Variants in FBXL17 observed in about 807,000 individuals in gnomAD.
The protein encoded by FBXL17 is F-box/LRR-repeat protein 17.
Under a neutral mutation model 66.2 loss-of-function variants are expected in FBXL17, and 22 were observed. The ratio of observed to expected loss-of-function variants is 0.33; its 90% CI spans 0.24 to 0.47. FBXL17 has a LOEUF of 0.47. FBXL17 is among the 20% of genes least tolerant of loss of function. The pLI is 1.00. For synonymous variants in FBXL17, 474 were observed against 400.5 expected (o/e 1.18, Z -2.19); for missense variants, 878 against 948.2 (o/e 0.93, Z 0.97).
At chr5:108,362,916 GA>G (rs1375426838) in intron 3 of FBXL17, among the ~76,000 whole-genome samples, 1 of 151,912 alleles carries the variant, frequency 6.6e-6, no homozygotes, top group Non-Finnish European at 1.5e-5. Context: ...ACAGAAGAGG[GA>G]AAAAACAGAA....
intron 6 of FBXL17, among the ~76,000 whole-genome samples, chr5:108,177,108 C>A (rs996350873): frequency 6.6e-6 from 1 of 152,132 alleles, no homozygotes; most frequent in African/African-American, 2.4e-5. Flanking sequence ...TACAAGGAAG[C>A]ATTTACAGAT....
In FBXL17 at chr5:108,351,419, G is replaced by T. The variant is rs553964193; in HGVS notation, c.1375-2889C>A. On this transcript the variant is annotated intron_variant, in intron 3 of 8. Transcript: ENST00000542267. ...TCTCATTCTGTAGGAAGCCCAACTA[G>T]TCTGATTCCCGGTCTCTCCACTGAT... Among the ~76,000 whole-genome samples the T allele has an allele frequency of 4.6e-5, 7 of 152,234 alleles. No homozygotes were observed. In the South Asian group the frequency reaches 1.2e-3, roughly 27 times the overall value.
chr5:107,953,860 T>C (rs1293590166), intron 7 of FBXL17, among the ~76,000 whole-genome samples: 1 of 152,214 alleles, frequency 6.6e-6, no homozygotes, highest in Admixed American at 6.5e-5. Flanking sequence ...TGCAAAGTAA[T>C]TAATTCATGT....
At chr5:107,929,470 T>C (rs1389040953) in intron 7 of FBXL17, among the ~76,000 whole-genome samples, 1 of 152,176 alleles carries the variant, frequency 6.6e-6, no homozygotes, top group Non-Finnish European at 1.5e-5. Context: ...CAGGATAGGA[T>C]ATATGTGTGT....
At chr5:108,231,330 C>T (rs1755331350) in intron 4 of FBXL17, among the ~76,000 whole-genome samples, 1 of 152,140 alleles carries the variant, frequency 6.6e-6, no homozygotes, top group East Asian at 1.9e-4. Flanking sequence ...TACAGTTAAT[C>T]ACAGCTCTCA....
chr5:108,348,934 A>G (rs958287470), intron 3 of FBXL17, among the ~76,000 whole-genome samples: 18 of 152,046 alleles, frequency 1.2e-4, no homozygotes, highest in Non-Finnish European at 2.9e-5. Context: ...CCTCCTGAGT[A>G]GCTGGGAGTA....
intron 6 of FBXL17, among the ~76,000 whole-genome samples, chr5:108,054,704 C>T (rs904017949): frequency 2.0e-5 from 3 of 152,196 alleles, no homozygotes; most frequent in Admixed American, 2.0e-4. Flanking sequence ...GTCCTTTCCT[C>T]ATCCTTTGGC....
chr5:108,114,403 G>T (rs575116289), intron 6 of FBXL17, among the ~76,000 whole-genome samples: 11 of 130,354 alleles, frequency 8.4e-5, no homozygotes, highest in African/African-American at 1.6e-4. Flanking sequence ...TTTATATTGA[G>T]TGTTATTGTT....
chr5:108,008,097 G>A (rs974903432), intron 7 of FBXL17, among the ~76,000 whole-genome samples: 1 of 152,140 alleles, frequency 6.6e-6, no homozygotes, highest in African/African-American at 2.4e-5. Flanking sequence ...CACTTCACAG[G>A]AATGTAAATA....
At chr5:108,089,366 C>G (rs1212827226) in intron 6 of FBXL17, among the ~76,000 whole-genome samples, 1 of 152,200 alleles carries the variant, frequency 6.6e-6, no homozygotes, top group Non-Finnish European at 1.5e-5. Context: ...TTCCTTTTTC[C>G]TATACCTGGC....
At chr5:108,097,161 GT>G (rs1490470782) in intron 6 of FBXL17, among the ~76,000 whole-genome samples, 2 of 151,166 alleles carry the variant, frequency 1.3e-5, no homozygotes, top group African/African-American at 4.9e-5. Flanking sequence ...ATAAACGGCA[GT>G]TTCACCTGTG....
chr5:108,072,079 G>T lies in FBXL17; in HGVS notation c.1746-51078C>A, dbSNP rs61021924. Among the ~76,000 whole-genome samples, 28 of 152,208 alleles carry T rather than the reference G, an allele frequency of 1.8e-4. No individual in the cohort carries two copies. The East Asian group carries it at 4.3e-3, about 23-fold the overall frequency. ...AATTGGGTAACCTCATTTACTCAAA[G>T]TGATGGGTACTTCACTTTGCCTGAA... On this transcript the variant is annotated intron_variant, in intron 6 of 8. Coordinates refer to ENST00000542267, the MANE Select transcript of FBXL17 (RefSeq NM_001163315.3).
At chr5:108,198,652 A>T (rs1753774064) in intron 5 of FBXL17, among the ~76,000 whole-genome samples, 1 of 152,200 alleles carries the variant, frequency 6.6e-6, no homozygotes, top group South Asian at 2.1e-4. Context: ...ACTGAATCAG[A>T]TCACATTTGT....
At chr5:108,163,388 CTTTTTTTTTTCTTTTTTTT>C (rs752307226) in intron 6 of FBXL17, among the ~76,000 whole-genome samples, 3 of 128,012 alleles carry the variant, frequency 2.3e-5, no homozygotes, top group Non-Finnish European at 3.3e-5. Flanking sequence ...GACATGAAAA[CTTTTTTTTTTCTTTTTTTT>C]TTTTTTTTTT....
At chr5:108,293,420 T>G (rs1232405820) in intron 4 of FBXL17, among the ~76,000 whole-genome samples, 1 of 152,210 alleles carries the variant, frequency 6.6e-6, no homozygotes, top group African/African-American at 2.4e-5. Context: ...ATGTGTAATT[T>G]TATTCCTAGA....
intron 4 of FBXL17, among the ~76,000 whole-genome samples, chr5:108,321,111 CAAT>C (rs1759598694): frequency 6.6e-6 from 1 of 151,238 alleles, no homozygotes; most frequent in African/African-American, 2.4e-5. Context: ...TTTTCACATC[CAAT>C]ATAACTGCTG....
At chr5:107,957,028 A>C (rs773946182) in intron 7 of FBXL17, among the ~76,000 whole-genome samples, 10 of 152,176 alleles carry the variant, frequency 6.6e-5, no homozygotes, top group Non-Finnish European at 1.5e-4. Flanking sequence ...GTAATTTGCC[A>C]CCTTCAGTAC....
At chr5:108,015,566 C>T (rs1052591326) in intron 7 of FBXL17, among the ~76,000 whole-genome samples, 1 of 151,976 alleles carries the variant, frequency 6.6e-6, no homozygotes, top group African/African-American at 2.4e-5. Context: ...TAACATAAAA[C>T]ATAAAATAAC....
At position 107,979,487 on chromosome 5, in the gene FBXL17, C is replaced by T. The variant is rs10056629; in HGVS notation, c.1822+41438G>A. On this transcript the variant is annotated intron_variant, in intron 7 of 8. Coordinates refer to ENST00000542267, the MANE Select transcript of FBXL17 (RefSeq NM_001163315.3). Reference sequence around the variant, plus strand: ...GGCATTTGTTATGTTAGTTAAATTGCGTAATGGTGTGTGAGAAATCAGTTT... The same window carrying T: ...GGCATTTGTTATGTTAGTTAAATTGTGTAATGGTGTGTGAGAAATCAGTTT... 9.8e-3 allele frequency among the ~76,000 whole-genome samples: 1,491 copies of T among 152,238 alleles called. 23 individuals are homozygous for T. The highest frequency in any genetic ancestry group is 0.034 in the African/African-American group (1,427 of 41,512).
Sources: gnomAD v4.1 joint callset for allele counts (sites outside exome capture counted in the v4.1 genomes callset) on GRCh38, gnomAD v4.1.1 for gene constraint, MANE v1.5 for transcripts, NCBI Gene and HGNC (gene_info 2026-07-23, HGNC 2026-07-21) for gene names.